Variants in UMAD1 observed in about 807,000 individuals in gnomAD.
UMAD1 encodes the protein UBAP1-MVB12-associated (UMA)-domain containing protein 1.
A neutral mutation model predicts 6.1 loss-of-function variants in UMAD1; 8 were observed. The ratio of observed to expected loss-of-function variants is 1.30; its 90% CI spans 0.76 to 2.35. The LOEUF (loss-of-function observed/expected upper bound fraction) is 2.35, where lower values mean the gene tolerates loss of function less well. Ranked by LOEUF, UMAD1 falls within the 30% of genes most tolerant of loss-of-function variation. The pLI is 0.00. For missense variants in UMAD1, 130 were observed against 78.4 expected, an observed-to-expected ratio of 1.66 and a Z score of -2.49; for synonymous variants, 56 against 31.4, an observed-to-expected ratio of 1.78 and a Z score of -2.61.
At chr7:7,738,835 A>G (rs527781801) in intron 2 of UMAD1, 24 of 152,356 alleles carry the variant, frequency 1.6e-4, no homozygotes, top group Admixed American at 9.1e-4. Flanking sequence ...GTGCCTTGAC[A>G]TGGCTGCATT....
rs1355383151 is a variant in UMAD1 at position 7,716,080 on chromosome 7, AATT to A, written c.82+42630_82+42632del. On this transcript the variant is annotated intron_variant, in intron 2 of 3. Coordinates refer to ENST00000682710, the MANE Select transcript of UMAD1 (RefSeq NM_001302348.2). Reference sequence around the variant, plus strand: ...CAGTTAAAATTTTTTTTGAAAATGAAATTATGGATGCAGAAAGCAAACAAGCTG... The same window carrying A: ...CAGTTAAAATTTTTTTTGAAAATGAAATGGATGCAGAAAGCAAACAAGCTG... Among the ~76,000 whole-genome samples the A allele has an allele frequency of 3.9e-5, 6 of 152,296 alleles. No individual in the cohort carries two copies. In the East Asian group the frequency reaches 7.7e-4, roughly 20 times the overall value.
At chr7:7,698,448 G>A (rs893895417) in intron 2 of UMAD1, among the ~76,000 whole-genome samples, 1 of 152,174 alleles carries the variant, frequency 6.6e-6, no homozygotes, top group African/African-American at 2.4e-5. Context: ...TTACAGCTTA[G>A]CCTTTTCCTT....
intron 3 of UMAD1, among the ~76,000 whole-genome samples, chr7:7,876,002 C>T (rs1218149061): frequency 4.6e-5 from 7 of 152,174 alleles, no homozygotes; most frequent in Non-Finnish European, 1.0e-4. Flanking sequence ...TACAGTGAGC[C>T]AGGATCACGC....
At chr7:7,833,825 T>C (rs1227743303) in intron 3 of UMAD1, among the ~76,000 whole-genome samples, 3 of 152,126 alleles carry the variant, frequency 2.0e-5, no homozygotes, top group African/African-American at 7.2e-5. Flanking sequence ...CAGGTTTTAT[T>C]TGAAATACTT....
chr7:7,787,411 C>T (rs1214862253), intron 2 of UMAD1, among the ~76,000 whole-genome samples: 2 of 152,074 alleles, frequency 1.3e-5, no homozygotes, highest in African/African-American at 2.4e-5. Flanking sequence ...AGTTTGCTGC[C>T]ATGTGTTTCT....
rs1006036352 is a variant in UMAD1 at position 7,673,453 on chromosome 7, G to A, written c.82G>A (p.Gly28Arg). 4 of 836,336 alleles carry A rather than the reference G, an allele frequency of 4.8e-6. No homozygotes were observed. The African/African-American group carries it at 6.7e-5, about 14-fold the overall frequency. The allele number at this position is 836,336 out of a possible 1,614,324, so 51.8% of individuals were successfully genotyped here. Residue 28 changes from glycine to arginine, a missense_variant and splice_region_variant, in exon 2 of 4, where the codon GGA becomes AGA. Transcript: ENST00000682710. ...ETEADGFVLL[G>R]DTTDEQRMTA... is the part of the protein sequence containing the mutation. ...AGAAGCAGATGGATTCGTCCTTTTAGGTGAGTCTTTTTAAGAAACAAAATA... is the reference window on the plus strand; with the variant it reads ...AGAAGCAGATGGATTCGTCCTTTTAAGTGAGTCTTTTTAAGAAACAAAATA...
At chr7:7,757,752 G>A (rs1206436554) in intron 2 of UMAD1, among the ~76,000 whole-genome samples, 1 of 152,204 alleles carries the variant, frequency 6.6e-6, no homozygotes, top group South Asian at 2.1e-4. Context: ...GTTTAGGGAT[G>A]TTGTGTGGAT....
chr7:7,783,673 C>T (rs1281540072), intron 2 of UMAD1, among the ~76,000 whole-genome samples: 4 of 152,022 alleles, frequency 2.6e-5, no homozygotes, highest in Admixed American at 1.3e-4. Flanking sequence ...ATTAGAGAGG[C>T]GTAAAACTGG....
intron 2 of UMAD1, among the ~76,000 whole-genome samples, chr7:7,766,906 T>C (rs140194447): frequency 1.1e-3 from 161 of 152,306 alleles, no homozygotes; most frequent in African/African-American, 3.8e-3. Context: ...CTTGCCTTTA[T>C]GGAAACTTAC....
chr7:7,877,415 G>A lies in UMAD1; in HGVS notation c.291G>A (p.Val97=), dbSNP rs1324751599. 3 of 717,712 alleles carry A rather than the reference G, an allele frequency of 4.2e-6. No individual in the cohort carries two copies. The highest frequency in any genetic ancestry group is 7.8e-6 in the Non-Finnish European group (3 of 385,164). 44.5% of individuals were successfully genotyped at this position (717,712 alleles called of 1,614,324 possible). The part of the protein sequence containing the change: ...SDVPFTLAPH[V]LAVQGTITDL... Reference sequence around the variant, plus strand: ...TGCCGTTCACCCTGGCCCCGCATGTGCTGGCAGTACAGGGCACCATCACTG... The same window carrying A: ...TGCCGTTCACCCTGGCCCCGCATGTACTGGCAGTACAGGGCACCATCACTG... The change falls in exon 4 of 4, where the codon GTG becomes GTA. Residue 97 remains valine (V), a synonymous_variant. Transcript: ENST00000682710.
intron 2 of UMAD1, among the ~76,000 whole-genome samples, chr7:7,732,806 A>T (rs974989): frequency 0.19 from 28,920 of 152,178 alleles, 2,964 homozygotes; most frequent in African/African-American, 0.28. Context: ...CACCCTGAGT[A>T]GATGGGCACT....
At chr7:7,713,644 G>C (rs1000828973) in intron 2 of UMAD1, among the ~76,000 whole-genome samples, 7 of 151,504 alleles carry the variant, frequency 4.6e-5, no homozygotes, top group African/African-American at 1.7e-4. Flanking sequence ...TATTTTGTTA[G>C]TTTCATTTTG....
intron 2 of UMAD1, chr7:7,742,039 A>C: frequency 2.0e-6 from 1 of 495,954 alleles, no homozygotes. Flanking sequence ...AGACAGTTCC[A>C]TTGTACAGCA....
Position 7,675,250 on chromosome 7 carries a change from T to A in UMAD1, c.82+1797T>A. ...TTTAGAGGCTGTAAGTTGGGTGTAC[T>A]GGCATCTTTGAAAGCACATAGAATT... is the stretch of plus-strand genomic sequence containing the variant. On this transcript the variant is annotated intron_variant, in intron 2 of 3. Transcript: ENST00000682710. Among the ~76,000 whole-genome samples, 2 of 152,246 alleles carry A rather than the reference T, an allele frequency of 1.3e-5. 1 individual carries two copies. The highest frequency in any genetic ancestry group is 4.1e-4 in the South Asian group (2 of 4,836).
chr7:7,808,167 T>C (rs1476856806), intron 3 of UMAD1, among the ~76,000 whole-genome samples: 1 of 151,994 alleles, frequency 6.6e-6, no homozygotes, highest in Non-Finnish European at 1.5e-5. Flanking sequence ...TCAACCTAAT[T>C]ATCCAATTAA....
intron 1 of UMAD1, among the ~76,000 whole-genome samples, chr7:7,663,824 C>G (rs1476710980): frequency 6.6e-6 from 1 of 152,190 alleles, no homozygotes; most frequent in Non-Finnish European, 1.5e-5. Flanking sequence ...ACATGCATGA[C>G]TATCAGTTTT....
chr7:7,707,604 G>A (rs1780638138), intron 2 of UMAD1, among the ~76,000 whole-genome samples: 1 of 152,126 alleles, frequency 6.6e-6, no homozygotes, highest in Non-Finnish European at 1.5e-5. Context: ...ACTTCATAAA[G>A]CTAACAAATA....
At chr7:7,748,374 C>A (rs188206006) in intron 2 of UMAD1, among the ~76,000 whole-genome samples, 185 of 152,080 alleles carry the variant, frequency 1.2e-3, no homozygotes, top group African/African-American at 4.2e-3. Context: ...CATATGAATT[C>A]AATATGCATT....
intron 3 of UMAD1, among the ~76,000 whole-genome samples, chr7:7,805,497 T>C (rs1782894845): frequency 6.6e-6 from 1 of 152,128 alleles, no homozygotes; most frequent in Non-Finnish European, 1.5e-5. Flanking sequence ...CCACCCCTTT[T>C]ACTAGGGCCC....
Sources: allele counts gnomAD v4.1 joint callset (sites outside exome capture counted in the v4.1 genomes callset), GRCh38; gene constraint gnomAD v4.1.1; transcripts MANE v1.5; gene names NCBI Gene and HGNC (gene_info 2026-07-23, HGNC 2026-07-21).